The following EVI5 variants were observed in gnomAD, a reference collection of about 807,000 sequenced individuals.
EVI5 encodes the protein ecotropic viral integration site 5.
In EVI5, 73 loss-of-function variants were observed where a neutral mutation model predicts 112.0. That is an observed-to-expected ratio of 0.65 (90% CI 0.54 to 0.79). The LOEUF (loss-of-function observed/expected upper bound fraction) is 0.79, where lower values mean the gene tolerates loss of function less well. EVI5 is among the 30% of genes least tolerant of loss of function. The pLI is 0.00. For missense variants in EVI5, 900 were observed against 968.8 expected (o/e 0.93, Z 0.94); for synonymous variants, 305 against 319.9 (o/e 0.95, Z 0.50).
chr1:92,528,987 A>G (rs1662394414), intron 19 of EVI5, among the ~76,000 whole-genome samples: 1 of 152,198 alleles, frequency 6.6e-6, no homozygotes, highest in Non-Finnish European at 1.5e-5. Context: ...AATATCTATA[A>G]AAGATTGTTG....
chr1:92,634,023 G>A (rs919409108), intron 14 of EVI5, among the ~76,000 whole-genome samples: 1 of 152,158 alleles, frequency 6.6e-6, no homozygotes, highest in Non-Finnish European at 1.5e-5. Flanking sequence ...CTCTCTTCTG[G>A]CTTGTAGTTT....
In EVI5 at chr1:92,521,872, A is replaced by AT. The variant is rs1172739746; in HGVS notation, c.2167-7903_2167-7902insA. On this transcript the variant is annotated intron_variant, in intron 19 of 19. Transcript: ENST00000684568. ...TAATTTTAGTTTTATTATTTACTAC[A>AT]CAAACTATACCTCAACTAAAGGCAC... Among the ~76,000 whole-genome samples the AT allele has an allele frequency of 3.3e-5, 5 of 152,330 alleles. No homozygotes were observed. In the East Asian group the frequency reaches 9.6e-4, roughly 29 times the overall value.
At chr1:92,594,530 C>T (rs1338113055) in intron 18 of EVI5, among the ~76,000 whole-genome samples, 3 of 149,880 alleles carry the variant, frequency 2.0e-5, no homozygotes, top group Non-Finnish European at 3.0e-5. Context: ...TCTAAAACAC[C>T]AAAAGCAATG....
At chr1:92,770,308 A>G (rs1259234207) in intron 1 of EVI5, among the ~76,000 whole-genome samples, 2 of 152,238 alleles carry the variant, frequency 1.3e-5, no homozygotes, top group African/African-American at 4.8e-5. Flanking sequence ...ATTCCATCAT[A>G]TAAATATAAA....
At chr1:92,541,612 G>A (rs1415312085) in intron 19 of EVI5, among the ~76,000 whole-genome samples, 2 of 152,052 alleles carry the variant, frequency 1.3e-5, no homozygotes, top group Admixed American at 6.5e-5. Flanking sequence ...CCATTACTAC[G>A]CATATACTCA....
At chr1:92,648,621 G>T (rs1250700208) in intron 13 of EVI5, among the ~76,000 whole-genome samples, 1 of 152,102 alleles carries the variant, frequency 6.6e-6, no homozygotes, top group Non-Finnish European at 1.5e-5. Context: ...TATAAATGGA[G>T]TCATACAATA....
intron 1 of EVI5, among the ~76,000 whole-genome samples, chr1:92,769,207 T>C (rs1207429907): frequency 6.6e-6 from 1 of 152,188 alleles, no homozygotes; most frequent in South Asian, 2.1e-4. Context: ...AAATACATGT[T>C]AAGAACCCAA....
chr1:92,571,305 A>C lies in EVI5; in HGVS notation c.2071-7568T>G, dbSNP rs552736835. Among the ~76,000 whole-genome samples, 8 of 150,914 alleles carry C rather than the reference A, an allele frequency of 5.3e-5. No individual in the cohort carries two copies. The East Asian group carries it at 1.4e-3, about 26-fold the overall frequency. ...GTAACCCCTGGGCAAGAAAATTACT[A>C]TCTCAGCTTATTTGTCACACATTAG... On this transcript the variant is annotated intron_variant, in intron 18 of 19. Coordinates refer to ENST00000684568, the MANE Select transcript of EVI5 (RefSeq NM_001350197.2).
intron 2 of EVI5, among the ~76,000 whole-genome samples, chr1:92,733,866 G>A (rs1188152844): frequency 6.6e-6 from 1 of 152,202 alleles, no homozygotes; most frequent in Non-Finnish European, 1.5e-5. Context: ...ACTGTCAGCT[G>A]TTGACTGGCT....
At chr1:92,589,434 A>G (rs1462160604) in intron 18 of EVI5, among the ~76,000 whole-genome samples, 1 of 152,140 alleles carries the variant, frequency 6.6e-6, no homozygotes, top group African/African-American at 2.4e-5. Context: ...GCACTTTTCC[A>G]ATGGTCTTAG....
chr1:92,626,130 T>G (rs1252748572), intron 14 of EVI5, among the ~76,000 whole-genome samples, 196 bp from the exon 15 acceptor site: 1 of 152,178 alleles, frequency 6.6e-6, no homozygotes, highest in African/African-American at 2.4e-5. Context: ...ACAGGGTTGT[T>G]TAAACATCAC....
intron 16 of EVI5, among the ~76,000 whole-genome samples, chr1:92,614,922 C>T (rs1224797441): frequency 6.7e-5 from 10 of 148,546 alleles, no homozygotes. Context: ...TTAGTTCTGT[C>T]CCTCTAGAGA....
At chr1:92,679,029 G>A (rs1290730617) in intron 9 of EVI5, among the ~76,000 whole-genome samples, 1 of 152,138 alleles carries the variant, frequency 6.6e-6, no homozygotes, top group Non-Finnish European at 1.5e-5. Context: ...TTAGGAACTG[G>A]GTCATACAGC....
At chr1:92,732,205 G>A in intron 2 of EVI5, 1 of 232,992 alleles carries the variant, frequency 4.3e-6, no homozygotes, top group Non-Finnish European at 8.4e-6. Flanking sequence ...GCTCATTCAA[G>A]GACCGTGTTG....
intron 13 of EVI5, among the ~76,000 whole-genome samples, chr1:92,648,513 C>T (rs1016632476): frequency 6.6e-6 from 1 of 152,130 alleles, no homozygotes; most frequent in Non-Finnish European, 1.5e-5. Flanking sequence ...AAACCCCTTA[C>T]CTATTAAGCA....
chr1:92,747,761 C>G (rs925604872), intron 1 of EVI5, among the ~76,000 whole-genome samples: 1 of 148,598 alleles, frequency 6.7e-6, no homozygotes, highest in Admixed American at 6.7e-5. Flanking sequence ...TGTATTGTCT[C>G]ACAGTTCTGG....
intron 11 of EVI5, among the ~76,000 whole-genome samples, chr1:92,664,965 C>T (rs562387118): frequency 7.9e-5 from 12 of 152,182 alleles, no homozygotes; most frequent in Admixed American, 1.3e-4. Context: ...CCAGCACTTT[C>T]GGAGGCCGAG....
chr1:92,694,362 T>C lies in EVI5; in HGVS notation c.936A>G (p.Gly312=). The C allele has an allele frequency of 6.2e-7, 1 of 1,604,196 alleles. No individual in the cohort carries two copies. The highest frequency in any genetic ancestry group is 8.5e-7 in the Non-Finnish European group (1 of 1,172,776). ...SEGLEIVFRV[G]LALLQMNQAE... ...CCTGATTCATCTGAAGAAGTGCTAA[T>C]CCTACACGAAACACTATTTCTAAAC... The change falls in exon 8 of 20, where the codon GGA becomes GGG. Residue 312 remains glycine (G), a synonymous_variant. Coordinates refer to ENST00000684568, the MANE Select transcript of EVI5 (RefSeq NM_001350197.2).
chr1:92,647,538 G>T, intron 13 of EVI5: 1 of 528,364 alleles, frequency 1.9e-6, no homozygotes. Context: ...CTGCAAAATT[G>T]ACAGAGACCT....
Sources: gnomAD v4.1 joint callset for allele counts (sites outside exome capture counted in the v4.1 genomes callset) on GRCh38, gnomAD v4.1.1 for gene constraint, MANE v1.5 for transcripts, NCBI Gene and HGNC (gene_info 2026-07-23, HGNC 2026-07-21) for gene names.